The following IKZF1 variants were observed in gnomAD, a reference collection of about 807,000 sequenced individuals.
IKZF1 encodes the protein IKAROS family zinc finger 1, also known as DNA-binding protein Ikaros.
In IKZF1, 10 loss-of-function variants were observed where a neutral mutation model predicts 51.7. The observed-to-expected ratio is 0.19, with a 90% CI of 0.12 to 0.33. IKZF1 has a LOEUF of 0.33. Ranked by LOEUF, IKZF1 falls within the 10% of genes least tolerant of loss-of-function variation. The probability of loss-of-function intolerance (pLI) is 1.00; values close to 1 mark genes in which losing one functional copy is unlikely to be tolerated. For missense variants in IKZF1, 484 were observed against 707.5 expected, an observed-to-expected ratio of 0.68 and a Z score of 3.58; for synonymous variants, 280 against 282.3, an observed-to-expected ratio of 0.99 and a Z score of 0.08.
At chr7:50,304,259 G>GGGCGGGGACGGGACGACGC (rs1788234367), upstream of IKZF1, 1 of 150,088 alleles carries the variant, frequency 6.7e-6, no homozygotes, top group African/African-American at 2.4e-5. Flanking sequence ...CTCGGCGACG[G>GGGCGGGGACGGGACGACGC]GGCGGGGACG....
At chr7:50,394,204 A>G (rs1816032963) in intron 7 of IKZF1, 2 of 232,896 alleles carry the variant, frequency 8.6e-6, no homozygotes, top group African/African-American at 2.2e-5. Context: ...AAGACTCACA[A>G]GCAGCTGCAT....
intron 3 of IKZF1, among the ~76,000 whole-genome samples, chr7:50,336,481 T>C (rs1404457277): frequency 2.0e-5 from 3 of 152,068 alleles, no homozygotes; most frequent in African/African-American, 7.2e-5. Flanking sequence ...GGTGTGGTGC[T>C]GGAAAGGGAA....
chr7:50,385,484 C>T (rs1813107656), intron 5 of IKZF1, among the ~76,000 whole-genome samples: 1 of 152,194 alleles, frequency 6.6e-6, no homozygotes, highest in Non-Finnish European at 1.5e-5. Context: ...GCTGGGGGAG[C>T]TGGAGGGGTG....
intron 3 of IKZF1, among the ~76,000 whole-genome samples, chr7:50,334,590 A>T (rs1797189808): frequency 6.8e-6 from 1 of 148,114 alleles, no homozygotes; most frequent in Non-Finnish European, 1.5e-5. Context: ...TGGTGTGTGT[A>T]TATGAATGGG....
intron 6 of IKZF1, among the ~76,000 whole-genome samples, chr7:50,390,443 A>G (rs1814738583): frequency 6.6e-6 from 1 of 152,278 alleles, no homozygotes; most frequent in South Asian, 2.1e-4. Flanking sequence ...ACATATTCCA[A>G]ATGTTAAAAT....
chr7:50,317,950 CA>C (rs897088981), intron 1 of IKZF1, among the ~76,000 whole-genome samples: 31 of 152,160 alleles, frequency 2.0e-4, no homozygotes, highest in African/African-American at 7.5e-4. Context: ...AAAAGGGGGA[CA>C]GGGGGACAAC....
chr7:50,334,419 CAT>C (rs1459521240), intron 3 of IKZF1, among the ~76,000 whole-genome samples: 1 of 151,146 alleles, frequency 6.6e-6, no homozygotes, highest in African/African-American at 2.4e-5. Flanking sequence ...ATGTGTGTGG[CAT>C]GTGTGTGTTT....
chr7:50,336,102 A>AC (rs1259280277), intron 3 of IKZF1, among the ~76,000 whole-genome samples: 12 of 152,034 alleles, frequency 7.9e-5, no homozygotes, highest in Non-Finnish European at 1.6e-4. Context: ...TGACACACTG[A>AC]CCCCTACAAA....
intron 5 of IKZF1, among the ~76,000 whole-genome samples, chr7:50,383,178 G>A (rs557810442): frequency 1.2e-4 from 18 of 152,288 alleles, no homozygotes; most frequent in East Asian, 7.7e-4. Context: ...GATTTAGGGC[G>A]CACCCACCCA....
intron 3 of IKZF1, among the ~76,000 whole-genome samples, chr7:50,344,943 A>C (rs1243429971): frequency 1.3e-5 from 2 of 152,032 alleles, no homozygotes; most frequent in African/African-American, 2.4e-5. Context: ...TAAATCAAAT[A>C]TATTAGGTTG....
At chr7:50,341,322 T>A (rs1252171710) in intron 3 of IKZF1, among the ~76,000 whole-genome samples, 1 of 152,070 alleles carries the variant, frequency 6.6e-6, no homozygotes, top group Non-Finnish European at 1.5e-5. Flanking sequence ...TTTGCATTTT[T>A]AATAGAGATG....
intron 3 of IKZF1, among the ~76,000 whole-genome samples, chr7:50,372,838 G>A (rs563989314): frequency 2.4e-4 from 36 of 152,274 alleles, no homozygotes; most frequent in Admixed American, 6.5e-4. Context: ...GTGCCTTTTC[G>A]ACTAGGAGTT....
At chr7:50,313,957 C>T (rs1051789948) in intron 1 of IKZF1, among the ~76,000 whole-genome samples, 10 of 152,100 alleles carry the variant, frequency 6.6e-5, no homozygotes, top group African/African-American at 2.2e-4. Flanking sequence ...TTCTTTGCAG[C>T]CTTTTCCTGG....
Position 50,404,004 on chromosome 7 carries a change from T to G in IKZF1, c.*3377T>G, listed in dbSNP as rs1818574116. 2 of 215,462 alleles carry G rather than the reference T, an allele frequency of 9.3e-6. No homozygotes were observed. Among genetic ancestry groups the G allele is most frequent in the East Asian group, 6.9e-5 (1 of 14,488 alleles). The allele number at this position is 215,462 out of a possible 1,614,324, so 13.3% of individuals were successfully genotyped here. On this transcript the variant is annotated 3_prime_UTR_variant, in exon 8 of 8. Transcript: ENST00000331340. ...TCTAGATCTCTCTCATTCATTTCAA[T>G]GTATTTTTACTTTAAGATGAACCAA...
chr7:50,382,714 C>G lies in IKZF1; in HGVS notation c.589+7C>G, dbSNP rs758843088. 2 of 1,602,480 alleles carry G rather than the reference C, an allele frequency of 1.2e-6. No homozygotes were observed. Among genetic ancestry groups the G allele is most frequent in the Non-Finnish European group, 1.7e-6 (2 of 1,178,390 alleles). On this transcript the variant is annotated splice_region_variant and intron_variant, in intron 5 of 7. Transcript: ENST00000331340. The stretch of plus-strand genomic sequence containing the variant: ...CACCTGAGGACGCACTCCGGTAGGT[C>G]CCCTGGATGCAGTCCGGGGCTGTCT...
intron 3 of IKZF1, among the ~76,000 whole-genome samples, chr7:50,374,571 G>A (rs78867177): frequency 0.037 from 5,630 of 152,272 alleles, 419 homozygotes; most frequent in East Asian, 0.19. Context: ...AGGTTAAATG[G>A]CAGAGTACAA....
At chr7:50,398,832 C>A (rs1000883472) in intron 7 of IKZF1, among the ~76,000 whole-genome samples, 13 of 152,324 alleles carry the variant, frequency 8.5e-5, no homozygotes, top group African/African-American at 3.1e-4. Context: ...CGCAGTCTTG[C>A]CAGTAAGAGT....
intron 3 of IKZF1, among the ~76,000 whole-genome samples, chr7:50,344,376 A>T (rs974823374): frequency 6.6e-6 from 1 of 152,060 alleles, no homozygotes; most frequent in African/African-American, 2.4e-5. Context: ...GTCCCTTCCA[A>T]TGACTCCTTT....
chr7:50,308,264 AGAAGGGCCTGGAG>A (rs956981511), intron 1 of IKZF1, among the ~76,000 whole-genome samples: 8 of 152,214 alleles, frequency 5.3e-5, no homozygotes, highest in Non-Finnish European at 8.8e-5. Flanking sequence ...GTTACTCCTG[AGAAGGGCCTGGAG>A]GAAGAGCAAC....
Sources: gnomAD v4.1 joint callset for allele counts (sites outside exome capture counted in the v4.1 genomes callset) on GRCh38, gnomAD v4.1.1 for gene constraint, MANE v1.5 for transcripts, NCBI Gene and HGNC (gene_info 2026-07-23, HGNC 2026-07-21) for gene names.